The following GMDS variants were observed in gnomAD, a reference collection of about 807,000 sequenced individuals.
GMDS encodes GDP-mannose 4,6-dehydratase, also known as GDP-mannose 4,6 dehydratase.
In GMDS, 20 loss-of-function variants were observed where a neutral mutation model predicts 49.9. That is an observed-to-expected ratio of 0.40 (90% CI 0.28 to 0.58). GMDS has a LOEUF of 0.58. Among genes scored for constraint, GMDS ranks in the 20% least tolerant of loss-of-function variants. The pLI is 0.42. For synonymous variants in GMDS, 177 were observed against 178.6 expected, an observed-to-expected ratio of 0.99 and a Z score of 0.07; for missense variants, 362 against 481.4, an observed-to-expected ratio of 0.75 and a Z score of 2.32.
At chr6:1,806,040 A>T (rs1229727320) in intron 7 of GMDS, among the ~76,000 whole-genome samples, 1 of 152,182 alleles carries the variant, frequency 6.6e-6, no homozygotes, top group African/African-American at 2.4e-5. Context: ...GCTACTCAGG[A>T]GGCTGAGGCA....
intron 9 of GMDS, among the ~76,000 whole-genome samples, chr6:1,637,110 G>T (rs1176268588): frequency 6.6e-6 from 1 of 152,234 alleles, no homozygotes; most frequent in African/African-American, 2.4e-5. Context: ...AGGACTGAAG[G>T]TGTCCCAGCT....
intron 4 of GMDS, among the ~76,000 whole-genome samples, chr6:2,109,622 A>C (rs992197134): frequency 1.3e-5 from 2 of 152,204 alleles, no homozygotes; most frequent in African/African-American, 2.4e-5. Flanking sequence ...CCTGGATATG[A>C]AGTTTTAGAG....
At chr6:2,108,069 C>T (rs190537796) in intron 4 of GMDS, among the ~76,000 whole-genome samples, 22 of 152,154 alleles carry the variant, frequency 1.4e-4, no homozygotes, top group Non-Finnish European at 2.6e-4. Flanking sequence ...ATATACTAAG[C>T]AAAATAAGTT....
At chr6:1,649,463 T>A (rs1197623614) in intron 9 of GMDS, among the ~76,000 whole-genome samples, 1 of 152,224 alleles carries the variant, frequency 6.6e-6, no homozygotes, top group Non-Finnish European at 1.5e-5. Flanking sequence ...ACACTGTGCA[T>A]CCAGCCTATT....
chr6:1,870,206 G>A (rs1285448519), intron 7 of GMDS, among the ~76,000 whole-genome samples: 1 of 152,322 alleles, frequency 6.6e-6, no homozygotes, highest in East Asian at 1.9e-4. Context: ...GCTCCTCAGT[G>A]CTGGATGACA....
chr6:2,039,057 G>A lies in GMDS; in HGVS notation c.345+76714C>T, dbSNP rs193067865. Among the ~76,000 whole-genome samples, 20 of 152,236 alleles carry A rather than the reference G, an allele frequency of 1.3e-4. No homozygotes were observed. The East Asian group carries it at 3.7e-3, about 28-fold the overall frequency. ...ACCTGGATGGTACAGCCTACTATACGCCTAGGCTGTATGGTAGAGCCTATT... is the reference window on the plus strand; with the variant it reads ...ACCTGGATGGTACAGCCTACTATACACCTAGGCTGTATGGTAGAGCCTATT... On this transcript the variant is annotated intron_variant, in intron 4 of 10. Coordinates refer to ENST00000380815, the MANE Select transcript of GMDS (RefSeq NM_001500.4).
rs563070804 is a variant in GMDS at position 1,685,995 on chromosome 6, A to G, written c.987+40421T>C. ...TAGCATTCTGGGTGATCATGCCATA[A>G]AGCACAGGCCGTGGAGTCATTTTCT... On this transcript the variant is annotated intron_variant, in intron 9 of 10. Transcript: ENST00000380815. Among the ~76,000 whole-genome samples the G allele has an allele frequency of 5.9e-5, 9 of 152,288 alleles. No homozygotes were observed. In the South Asian group the frequency reaches 1.9e-3, roughly 32 times the overall value.
intron 4 of GMDS, among the ~76,000 whole-genome samples, chr6:1,991,529 C>T (rs1375435418): frequency 6.6e-6 from 1 of 152,178 alleles, no homozygotes. Flanking sequence ...CTGCCAAGTC[C>T]AATACCCTTT....
intron 4 of GMDS, among the ~76,000 whole-genome samples, chr6:2,001,318 T>G (rs151022305): frequency 6.6e-6 from 1 of 152,226 alleles, no homozygotes; most frequent in Non-Finnish European, 1.5e-5. Context: ...TCAGTTCCTT[T>G]GCCCACTTTT....
chr6:1,779,899 G>A (rs1244167427), intron 7 of GMDS, among the ~76,000 whole-genome samples: 3 of 152,242 alleles, frequency 2.0e-5, no homozygotes, highest in African/African-American at 4.8e-5. Context: ...ACACAGCCAG[G>A]CTGGTACCAA....
In GMDS at chr6:1,905,885, A is replaced by AGGTGGG. The variant is rs1379293721; in HGVS notation, c.771+24217_771+24218insCCCACC. Among the ~76,000 whole-genome samples the AGGTGGG allele has an allele frequency of 9.8e-4, 72 of 73,614 alleles. 6 individuals carry two copies. The highest frequency in any genetic ancestry group is 2.1e-3 in the South Asian group (5 of 2,346). 48.3% of individuals were successfully genotyped at this position (73,614 alleles called of 152,430 possible). On this transcript the variant is annotated intron_variant, in intron 7 of 10. Coordinates refer to ENST00000380815, the MANE Select transcript of GMDS (RefSeq NM_001500.4). ...GCTGTGGGTGCTGGCATGTGACAAT[A>AGGTGGG]ACCCCATAGGCCATCTGGGAACACG...
At chr6:2,197,040 G>T (rs1351780730) in intron 1 of GMDS, among the ~76,000 whole-genome samples, 2 of 152,180 alleles carry the variant, frequency 1.3e-5, no homozygotes, top group African/African-American at 4.8e-5. Context: ...TCCAGCAGCA[G>T]TCCCACACCC....
chr6:2,090,019 G>A (rs372809415), intron 4 of GMDS, among the ~76,000 whole-genome samples: 33 of 152,216 alleles, frequency 2.2e-4, no homozygotes, highest in African/African-American at 7.9e-4. Context: ...TTGCCAAATG[G>A]GCAAATGTCC....
chr6:1,713,734 A>G (rs1210468714), intron 9 of GMDS, among the ~76,000 whole-genome samples: 1 of 152,136 alleles, frequency 6.6e-6, no homozygotes, highest in Non-Finnish European at 1.5e-5. Flanking sequence ...TCAAAGGAAA[A>G]TCAGCAACTG....
At chr6:1,966,150 C>T (rs192677957) in intron 4 of GMDS, among the ~76,000 whole-genome samples, 1 of 152,086 alleles carries the variant, frequency 6.6e-6, no homozygotes, top group Non-Finnish European at 1.5e-5. Context: ...GCTTCCAAAC[C>T]CCCAAAACTA....
chr6:1,777,392 T>C (rs112657667), intron 7 of GMDS, among the ~76,000 whole-genome samples: 292 of 152,372 alleles, frequency 1.9e-3, no homozygotes, highest in African/African-American at 6.4e-3. Flanking sequence ...AGAAAACTAA[T>C]CTGCTTATAT....
intron 7 of GMDS, among the ~76,000 whole-genome samples, chr6:1,903,651 A>G (rs899565476): frequency 2.6e-5 from 4 of 152,164 alleles, no homozygotes; most frequent in Admixed American, 1.3e-4. Flanking sequence ...CTTCTGATAT[A>G]TTACATGTTC....
Position 2,193,316 on chromosome 6 carries a change from C to T in GMDS, c.102+52005G>A, listed in dbSNP as rs80156313. On this transcript the variant is annotated intron_variant, in intron 1 of 10. Coordinates refer to ENST00000380815, the MANE Select transcript of GMDS (RefSeq NM_001500.4). ...AAGTATGTGTTAAACAGGAAGACTA[C>T]CATTTTATTCCAAATTTAACCAAAT... 6.6e-3 allele frequency among the ~76,000 whole-genome samples: 1,001 copies of T among 152,338 alleles called. 13 individuals are homozygous for T. The highest frequency in any genetic ancestry group is 0.023 in the African/African-American group (957 of 41,564).
chr6:2,136,799 A>T lies in GMDS; in HGVS notation c.103-12068T>A, dbSNP rs144101143. ...AGGCCTGTAGTCCTAGCTACTTGGA[A>T]AGCTGGGACAGGAGAATTGCCTGAG... On this transcript the variant is annotated intron_variant, in intron 1 of 10. Coordinates refer to ENST00000380815, the MANE Select transcript of GMDS (RefSeq NM_001500.4). 5.7e-3 allele frequency among the ~76,000 whole-genome samples: 861 copies of T among 152,186 alleles called. 2 individuals carry two copies. Among genetic ancestry groups the T allele is most frequent in the Middle Eastern group, 0.017 (5 of 294 alleles).
Sources: gnomAD v4.1 joint callset for allele counts (sites outside exome capture counted in the v4.1 genomes callset) on GRCh38, gnomAD v4.1.1 for gene constraint, MANE v1.5 for transcripts, NCBI Gene and HGNC (gene_info 2026-07-23, HGNC 2026-07-21) for gene names.